DERA: variants seen among roughly 807,000 people sequenced by gnomAD.
DERA encodes the protein deoxyribose-phosphate aldolase.
A neutral mutation model predicts 41.1 loss-of-function variants in DERA; 15 were observed. The observed-to-expected ratio is 0.37, with a 90% CI of 0.24 to 0.56. DERA has a LOEUF of 0.56. Ranked by LOEUF, DERA falls within the 20% of genes least tolerant of loss-of-function variation. The pLI, the probability that DERA is intolerant of heterozygous loss-of-function variation, is 0.81. For missense variants in DERA, 396 were observed against 403.4 expected, an observed-to-expected ratio of 0.98 and a Z score of 0.16; for synonymous variants, 139 against 137.4, an observed-to-expected ratio of 1.01 and a Z score of -0.08.
At chr12:15,960,033 TTTAA>T in intron 4 of DERA, 109 bp downstream of exon 4, 1 of 742,114 alleles carries the variant, frequency 1.3e-6, no homozygotes, top group East Asian at 2.8e-5. Context: ...AGTTTATGTA[TTTAA>T]TTAGTTGTAT....
chr12:16,021,459 C>G lies in DERA; in HGVS notation c.638-11083C>G, dbSNP rs982076596. Among the ~76,000 whole-genome samples, 1 of 152,186 alleles carries G rather than the reference C, an allele frequency of 6.6e-6. No homozygotes were observed. The highest frequency in any genetic ancestry group is 2.4e-5 in the African/African-American group (1 of 41,438). On this transcript the variant is annotated intron_variant, in intron 6 of 8. Transcript: ENST00000428559. The surrounding 1 kb of genome is among the most constrained non-coding windows in gnomAD (Gnocchi z 5.3). ...GAGGATGTGTCAGAAAGACTGGGTA[C>G]CCAGGCAGGGATTCTCTACTAAGGC...
At chr12:15,925,130 A>G (rs999001015) in intron 1 of DERA, among the ~76,000 whole-genome samples, 1 of 151,036 alleles carries the variant, frequency 6.6e-6, no homozygotes, top group Non-Finnish European at 1.5e-5. Flanking sequence ...CATTCCTGTT[A>G]CCCTCCCACC....
At chr12:15,937,869 T>TCATCA (rs1232254541) in intron 1 of DERA, among the ~76,000 whole-genome samples, 1 of 152,250 alleles carries the variant, frequency 6.6e-6, no homozygotes, top group Non-Finnish European at 1.5e-5. Context: ...TTCATTAAGT[T>TCATCA]ATGTGTTTTT....
rs1187193157 is a variant in DERA at position 15,984,596 on chromosome 12, A to C, written c.637+2160A>C. Among the ~76,000 whole-genome samples the C allele has an allele frequency of 1.3e-5, 2 of 152,168 alleles. No individual in the cohort carries two copies. The highest frequency in any genetic ancestry group is 4.8e-5 in the African/African-American group (2 of 41,446). Reference sequence around the variant, plus strand: ...ATTGTGTGACTTGTTTAAGGTCACAAAGCTAATAAATAACCTGTATCACTA... The same window carrying C: ...ATTGTGTGACTTGTTTAAGGTCACACAGCTAATAAATAACCTGTATCACTA... On this transcript the variant is annotated intron_variant, in intron 6 of 8. Coordinates refer to ENST00000428559, the MANE Select transcript of DERA (RefSeq NM_015954.4). The surrounding 1 kb of genome is among the most constrained non-coding windows in gnomAD (Gnocchi z 4.5).
chr12:15,973,427 G>GGT (rs1250218298), intron 5 of DERA, among the ~76,000 whole-genome samples: 2 of 29,306 alleles, frequency 6.8e-5, no homozygotes. Context: ...AGGCATCTTT[G>GGT]ATAATATATG....
intron 1 of DERA, among the ~76,000 whole-genome samples, chr12:15,933,433 T>G (rs1050718389): frequency 1.3e-5 from 2 of 152,244 alleles, no homozygotes; most frequent in Non-Finnish European, 2.9e-5. Context: ...ATTAAATTAA[T>G]TTTTTCCTCC....
intron 3 of DERA, among the ~76,000 whole-genome samples, chr12:15,958,817 C>G (rs1948561136): frequency 6.6e-6 from 1 of 152,076 alleles, no homozygotes; most frequent in Admixed American, 6.5e-5. Flanking sequence ...ATATTCACTG[C>G]CTTAGTATAC....
rs1047192833 is a variant in DERA at position 15,998,787 on chromosome 12, C to T, written c.637+16351C>T. On this transcript the variant is annotated intron_variant, in intron 6 of 8. Coordinates refer to ENST00000428559, the MANE Select transcript of DERA (RefSeq NM_015954.4). The surrounding 1 kb of genome is among the most constrained non-coding windows in gnomAD (Gnocchi z 4.8). ...TATTTGGACCGCTGAACTTACATCC[C>T]CAAAGAAACAAGATTGTACATTGTT... Among the ~76,000 whole-genome samples the T allele has an allele frequency of 1.3e-5, 2 of 152,016 alleles. No individual in the cohort carries two copies. The highest frequency in any genetic ancestry group is 4.8e-5 in the African/African-American group (2 of 41,376).
rs1196373012 is a variant in DERA, at chr12:15,984,132, T to G, written c.637+1696T>G. On this transcript the variant is annotated intron_variant, in intron 6 of 8. Transcript: ENST00000428559. The surrounding 1 kb of genome is among the most constrained non-coding windows in gnomAD (Gnocchi z 4.5). ...AGGACATACTTTGTGGTAGCCACGCTGTTGGTTGTGCACATGGAGCTGAGA... is the reference window on the plus strand; with the variant it reads ...AGGACATACTTTGTGGTAGCCACGCGGTTGGTTGTGCACATGGAGCTGAGA... 6.6e-6 allele frequency among the ~76,000 whole-genome samples: 1 copy of G among 152,184 alleles called. No individual in the cohort carries two copies. Among genetic ancestry groups the G allele is most frequent in the Non-Finnish European group, 1.5e-5 (1 of 68,032 alleles).
At position 15,941,197 on chromosome 12, in the gene DERA, T is replaced by C. The variant is rs1289208254; in HGVS notation, c.32-15739T>C. On this transcript the variant is annotated intron_variant, in intron 1 of 8. Coordinates refer to ENST00000428559, the MANE Select transcript of DERA (RefSeq NM_015954.4). The surrounding 1 kb of genome is among the most constrained non-coding windows in gnomAD (Gnocchi z 4.5). ...TATTTCATGTTCACCTAATCTACAG[T>C]AGCGGCTCATTGACCTACTGACTGT... Among the ~76,000 whole-genome samples the C allele has an allele frequency of 6.6e-6, 1 of 152,188 alleles. No individual in the cohort carries two copies. The highest frequency in any genetic ancestry group is 2.4e-5 in the African/African-American group (1 of 41,436).
At position 15,911,333 on chromosome 12, in the gene DERA, C is replaced by T. The variant is rs1307768957; in HGVS notation, c.-51C>T. On this transcript the variant is annotated 5_prime_UTR_variant, in exon 1 of 9. Transcript: ENST00000428559. This position sits in a 1 kb window ranked among gnomAD's most constrained non-coding sequence, Gnocchi z 4.5. ...GGCGGGAAGGAGGAAGGGCCGGGCG[C>T]GGCGCAGAGGCGGGCGCCTACCAGC... is the stretch of plus-strand genomic sequence containing the variant. 1 of 1,439,468 alleles carries T rather than the reference C, an allele frequency of 6.9e-7. No individual in the cohort carries two copies. Among genetic ancestry groups the T allele is most frequent in the South Asian group, 1.4e-5 (1 of 71,824 alleles). The allele number at this position is 1,439,468 out of a possible 1,614,324, so 89.2% of individuals were successfully genotyped here.
Position 16,026,849 on chromosome 12 carries a change from C to T in DERA, c.638-5693C>T, listed in dbSNP as rs1055722044. On this transcript the variant is annotated intron_variant, in intron 6 of 8. Coordinates refer to ENST00000428559, the MANE Select transcript of DERA (RefSeq NM_015954.4). The surrounding 1 kb of genome is among the most constrained non-coding windows in gnomAD (Gnocchi z 4.4). ...ATTACTCCAAAACCAGATAAAGACA[C>T]TGCCAGAAAGAAAACCTATAGATGA... Among the ~76,000 whole-genome samples the T allele has an allele frequency of 6.6e-6, 1 of 151,996 alleles. No individual in the cohort carries two copies. Among genetic ancestry groups the T allele is most frequent in the African/African-American group, 2.4e-5 (1 of 41,410 alleles).
chr12:15,978,512 T>G (rs1012825335), intron 5 of DERA, among the ~76,000 whole-genome samples: 1 of 152,214 alleles, frequency 6.6e-6, no homozygotes, highest in Non-Finnish European at 1.5e-5. Context: ...GTGAGCAAAC[T>G]GAGCCTCCCT....
intron 6 of DERA, among the ~76,000 whole-genome samples, chr12:16,027,549 C>A (rs1473138694): frequency 6.6e-6 from 1 of 152,178 alleles, no homozygotes; most frequent in Admixed American, 6.5e-5. Flanking sequence ...AAACAAAAGA[C>A]TGTATGAAGA....
At chr12:16,005,065 G>A (rs117272981) in intron 6 of DERA, among the ~76,000 whole-genome samples, 214 of 152,220 alleles carry the variant, frequency 1.4e-3, no homozygotes, top group Admixed American at 2.6e-3. Context: ...TTCATTTCAC[G>A]CAGTCTACTT....
At chr12:16,022,919 C>T (rs1328792498) in intron 6 of DERA, among the ~76,000 whole-genome samples, 1 of 152,158 alleles carries the variant, frequency 6.6e-6, no homozygotes, top group Non-Finnish European at 1.5e-5. Context: ...TTGGCTCTGG[C>T]AGGAGAAGGA....
intron 4 of DERA, among the ~76,000 whole-genome samples, chr12:15,960,661 A>AAAAC (rs1565596964): frequency 2.0e-5 from 3 of 150,878 alleles, no homozygotes; most frequent in Admixed American, 6.6e-5. Context: ...AAAAAAAAAA[A>AAAAC]AACAACGATA....
intron 6 of DERA, among the ~76,000 whole-genome samples, chr12:16,024,423 C>A (rs528253960): frequency 6.6e-6 from 1 of 152,232 alleles, no homozygotes; most frequent in African/African-American, 2.4e-5. Flanking sequence ...AAACACTTTT[C>A]ATTGAGAAGA....
At chr12:15,951,581 G>A (rs1948497810) in intron 1 of DERA, 1 of 152,134 alleles carries the variant, frequency 6.6e-6, no homozygotes, top group Non-Finnish European at 1.5e-5. Flanking sequence ...CTTAATTCAA[G>A]AGTCAAGTAT....
Sources: allele counts gnomAD v4.1 joint callset (sites outside exome capture counted in the v4.1 genomes callset), GRCh38; gene constraint gnomAD v4.1.1; non-coding constraint Gnocchi (gnomAD v3.1); transcripts MANE v1.5; gene names NCBI Gene and HGNC (gene_info 2026-07-23, HGNC 2026-07-21).